Variants in SIPA1L2 observed in about 807,000 individuals in gnomAD.
The protein encoded by SIPA1L2 is signal induced proliferation associated 1 like 2.
In SIPA1L2, 56 loss-of-function variants were observed where a neutral mutation model predicts 163.9. The ratio of observed to expected loss-of-function variants is 0.34; its 90% CI spans 0.28 to 0.43. The LOEUF (loss-of-function observed/expected upper bound fraction) is 0.43, where lower values mean the gene tolerates loss of function less well. Ranked by LOEUF, SIPA1L2 falls within the 20% of genes least tolerant of loss-of-function variation. SIPA1L2 has a pLI of 1.00. For missense variants in SIPA1L2, 1,974 were observed against 2,193.5 expected, an observed-to-expected ratio of 0.90 and a Z score of 2.00; for synonymous variants, 877 against 865.7, an observed-to-expected ratio of 1.01 and a Z score of -0.23.
intron 1 of SIPA1L2, among the ~76,000 whole-genome samples, chr1:232,597,608 T>C (rs1661337496): frequency 7.1e-6 from 1 of 141,448 alleles, no homozygotes; most frequent in African/African-American, 2.7e-5. Flanking sequence ...GAGAATGGCA[T>C]GAACCCAGGA....
In SIPA1L2 at chr1:232,514,086, C is replaced by A. The variant is rs770812781; in HGVS notation, c.1254G>T (p.Gly418=). ...AGAGCGCAATCCGCCTGTCGCCTTCCCCTCCAGTCTCATTTCTAAAGTAAG... is the reference window on the plus strand; with the variant it reads ...AGAGCGCAATCCGCCTGTCGCCTTCACCTCCAGTCTCATTTCTAAAGTAAG... The part of the protein sequence containing the change: ...SCPYFRNETG[G]EGDRRIALSR... The change falls in exon 3 of 23, where the codon GGG becomes GGT. Residue 418 remains glycine, a synonymous_variant. Transcript: ENST00000674635. 1 of 1,614,174 alleles carries A rather than the reference C, an allele frequency of 6.2e-7. No individual in the cohort carries two copies. Among genetic ancestry groups the A allele is most frequent in the South Asian group, 1.1e-5 (1 of 91,082 alleles).
intron 19 of SIPA1L2, 77 bp downstream of exon 19, chr1:232,415,417 C>T (rs1439072547): frequency 1.3e-6 from 2 of 1,489,404 alleles, no homozygotes; most frequent in East Asian, 4.9e-5. Flanking sequence ...AGACGGGCTC[C>T]CCTAAGATGC....
At chr1:232,534,240 T>C (rs1657167557) in intron 2 of SIPA1L2, among the ~76,000 whole-genome samples, 2 of 152,142 alleles carry the variant, frequency 1.3e-5, no homozygotes, top group South Asian at 4.1e-4. Context: ...AGCCCTCACA[T>C]GTATTGTCAA....
chr1:232,591,671 T>C (rs754349282), intron 1 of SIPA1L2, among the ~76,000 whole-genome samples: 56 of 152,236 alleles, frequency 3.7e-4, no homozygotes, highest in African/African-American at 1.3e-3. Context: ...GTCTCCTTAG[T>C]GAGGCCATGT....
chr1:232,440,581 A>T (rs1662830732), intron 14 of SIPA1L2, among the ~76,000 whole-genome samples: 1 of 152,274 alleles, frequency 6.6e-6, no homozygotes, highest in African/African-American at 2.4e-5. Context: ...CTAAGGGACA[A>T]CTGCAAAGCT....
chr1:232,503,286 C>T (rs565256906), intron 3 of SIPA1L2, among the ~76,000 whole-genome samples: 1 of 152,302 alleles, frequency 6.6e-6, no homozygotes, highest in Admixed American at 6.5e-5. Flanking sequence ...TAGTGCATTT[C>T]TGTGGTGCAT....
chr1:232,415,537 C>T lies in SIPA1L2; in HGVS notation c.4719G>A (p.Gly1573=). 1 of 1,613,814 alleles carries T rather than the reference C, an allele frequency of 6.2e-7. No individual in the cohort carries two copies. The highest frequency in any genetic ancestry group is 8.5e-7 in the Non-Finnish European group (1 of 1,179,866). Residue 1573 remains glycine (G), a synonymous_variant, in exon 19 of 23, where the codon GGG becomes GGA. Coordinates refer to ENST00000674635, the MANE Select transcript of SIPA1L2 (RefSeq NM_020808.5). ...GLMPLPDTAT[G]LDWTHLVDAA... Reference sequence around the variant, plus strand: ...CATCCACGAGGTGGGTCCAATCTAACCCTGTGGCTGTGTCCGGGAGGGGCA... The same window carrying T: ...CATCCACGAGGTGGGTCCAATCTAATCCTGTGGCTGTGTCCGGGAGGGGCA...
chr1:232,597,945 T>G (rs1427650985), intron 1 of SIPA1L2, among the ~76,000 whole-genome samples: 2 of 152,164 alleles, frequency 1.3e-5, no homozygotes, highest in Admixed American at 6.5e-5. Context: ...CTCCACATTT[T>G]CTTAAAGGAA....
chr1:232,593,500 G>A (rs951362503), intron 1 of SIPA1L2, among the ~76,000 whole-genome samples: 2 of 152,084 alleles, frequency 1.3e-5, no homozygotes, highest in East Asian at 1.9e-4. Flanking sequence ...AATGTAGCTC[G>A]CAGAATAAGA....
chr1:232,517,059 T>C (rs1667248653), intron 2 of SIPA1L2, among the ~76,000 whole-genome samples: 1 of 152,228 alleles, frequency 6.6e-6, no homozygotes, highest in South Asian at 2.1e-4. Flanking sequence ...CAGTGTTTTC[T>C]ATTTCCAGGG....
At chr1:232,570,192 T>A (rs1311108867) in intron 2 of SIPA1L2, among the ~76,000 whole-genome samples, 1 of 152,202 alleles carries the variant, frequency 6.6e-6, no homozygotes, top group Admixed American at 6.5e-5. Flanking sequence ...CCCAAACTTG[T>A]CTCAGTCACT....
At chr1:232,560,482 A>G (rs1267121641) in intron 2 of SIPA1L2, among the ~76,000 whole-genome samples, 1 of 152,272 alleles carries the variant, frequency 6.6e-6, no homozygotes, top group East Asian at 1.9e-4. Flanking sequence ...TACTTACTAA[A>G]GATTCCTTTA....
chr1:232,549,269 T>C (rs1402786860), intron 2 of SIPA1L2, among the ~76,000 whole-genome samples: 1 of 152,136 alleles, frequency 6.6e-6, no homozygotes, highest in Non-Finnish European at 1.5e-5. Flanking sequence ...ACACAGAACC[T>C]TCCTCCTTGA....
At position 232,554,488 on chromosome 1, in the gene SIPA1L2, T is replaced by C. The variant is rs138402683; in HGVS notation, c.-270+19686A>G. Among the ~76,000 whole-genome samples, 1,089 of 152,372 alleles carry C rather than the reference T, an allele frequency of 7.1e-3. 13 individuals carry two copies. Among genetic ancestry groups the C allele is most frequent in the African/African-American group, 0.024 (1,012 of 41,592 alleles). Reference sequence around the variant, plus strand: ...TCCAAAGCCTTCAACAGGAAAAGTCTTTCCACAATGCTACCCTAAAAATAG... The same window carrying C: ...TCCAAAGCCTTCAACAGGAAAAGTCCTTCCACAATGCTACCCTAAAAATAG... On this transcript the variant is annotated intron_variant, in intron 2 of 22. Coordinates refer to ENST00000674635, the MANE Select transcript of SIPA1L2 (RefSeq NM_020808.5).
At chr1:232,456,772 G>A (rs939769269) in intron 10 of SIPA1L2, among the ~76,000 whole-genome samples, 7 of 152,172 alleles carry the variant, frequency 4.6e-5, no homozygotes, top group African/African-American at 1.7e-4. Context: ...TCTGGCCCCA[G>A]CAACTCTTCA....
At chr1:232,418,944 A>C (rs1334045489) in intron 18 of SIPA1L2, among the ~76,000 whole-genome samples, 1 of 152,224 alleles carries the variant, frequency 6.6e-6, no homozygotes, top group Non-Finnish European at 1.5e-5. Context: ...TGATGGGGGC[A>C]CAACAGTGGG....
Position 232,514,217 on chromosome 1 carries a change from C to T in SIPA1L2, c.1123G>A (p.Gly375Ser), listed in dbSNP as rs201929911. Residue 375 changes from glycine (G) to serine (S), a missense_variant, in exon 3 of 23, where the codon GGC becomes AGC. This residue lies in a region of SIPA1L2 where 607 missense variants were observed against 624.0 expected (regional missense o/e 0.97). Coordinates refer to ENST00000674635, the MANE Select transcript of SIPA1L2 (RefSeq NM_020808.5). Reference protein sequence around the residue: ...SQTQMPTGQTGNCESPLGSKE... With the variant: ...SQTQMPTGQTSNCESPLGSKE... The stretch of plus-strand genomic sequence containing the variant: ...CTCCCTAAAGGGGACTCACAGTTGC[C>T]TGTCTGGCCCGTAGGCATCTGAGTC... 1.9e-4 allele frequency: 309 copies of T among 1,614,216 alleles called. 3 individuals are homozygous for T. In the South Asian group the frequency reaches 3.1e-3, roughly 16 times the overall value.
In SIPA1L2 at chr1:232,487,919, T is replaced by TACACACAC. The variant is rs5781699; in HGVS notation, c.1806+2947_1806+2954dup. ...AAACTAACAATATATGTAATTAGGT[T>TACACACAC]ACACACACACACACACACACACACA... On this transcript the variant is annotated intron_variant, in intron 5 of 22. Transcript: ENST00000674635. Among the ~76,000 whole-genome samples the TACACACAC allele has an allele frequency of 1.8e-3, 258 of 144,298 alleles. 2 individuals are homozygous for TACACACAC. Among genetic ancestry groups the TACACACAC allele is most frequent in the African/African-American group, 5.8e-3 (227 of 39,148 alleles). The allele number at this position is 144,298 out of a possible 152,430, so 94.7% of individuals were successfully genotyped here. A position where few individuals can be genotyped will look rare whatever the true frequency, so the allele number is the denominator to read the frequency against.
Position 232,621,711 on chromosome 1 carries a change from T to C in SIPA1L2, c.-319+8158A>G, listed in dbSNP as rs1006373896. Among the ~76,000 whole-genome samples the C allele has an allele frequency of 4.6e-5, 7 of 151,970 alleles. No homozygotes were observed. The South Asian group carries it at 1.4e-3, about 31-fold the overall frequency. On this transcript the variant is annotated intron_variant, in intron 1 of 22. Coordinates refer to ENST00000674635, the MANE Select transcript of SIPA1L2 (RefSeq NM_020808.5). ...TCTTCATAAATCAACATTAGTCTCC[T>C]TCACTTATTCTTGTCATTTAAAACA...
Sources: gnomAD v4.1 joint callset for allele counts (sites outside exome capture counted in the v4.1 genomes callset) on GRCh38, gnomAD v4.1.1 for gene constraint, gnomAD v4.1.1 regional missense constraint, MANE v1.5 for transcripts, NCBI Gene and HGNC (gene_info 2026-07-23, HGNC 2026-07-21) for gene names.